The following RBFOX1 variants were observed in gnomAD, a reference collection of about 807,000 sequenced individuals.
RBFOX1 encodes RNA binding fox-1 homolog 1.
Under a neutral mutation model 57.7 loss-of-function variants are expected in RBFOX1, and 8 were observed. The ratio of observed to expected loss-of-function variants is 0.14; its 90% CI spans 0.08 to 0.25. The LOEUF is 0.25. Among genes scored for constraint, RBFOX1 ranks in the 10% least tolerant of loss-of-function variants. The pLI, the probability that RBFOX1 is intolerant of heterozygous loss-of-function variation, is 1.00. For missense variants in RBFOX1, 611 were observed against 548.5 expected (o/e 1.11, Z -1.14); for synonymous variants, 326 against 222.4 (o/e 1.47, Z -4.15).
intron 4 of RBFOX1, among the ~76,000 whole-genome samples, chr16:7,431,588 C>G (rs936394051): frequency 6.6e-6 from 1 of 152,172 alleles, no homozygotes; most frequent in Non-Finnish European, 1.5e-5. Context: ...GTAAAATACA[C>G]GTAACATAAA....
intron 4 of RBFOX1, among the ~76,000 whole-genome samples, chr16:7,123,818 T>C (rs1335735342): frequency 2.0e-5 from 3 of 152,162 alleles, no homozygotes; most frequent in African/African-American, 7.2e-5. Context: ...GAATTTGCAA[T>C]ATAAGAAGAA....
At chr16:5,990,394 G>T (rs1011886018) in intron 4 of RBFOX1, among the ~76,000 whole-genome samples, 1 of 152,198 alleles carries the variant, frequency 6.6e-6, no homozygotes, top group African/African-American at 2.4e-5. Context: ...CTGAGCACTG[G>T]ACAAAGCATT....
intron 3 of RBFOX1, among the ~76,000 whole-genome samples, chr16:6,918,099 C>A (rs999293421): frequency 5.3e-5 from 8 of 152,044 alleles, no homozygotes; most frequent in African/African-American, 1.7e-4. Flanking sequence ...CCAGCCTGGA[C>A]AACATGGTGA....
intron 4 of RBFOX1, among the ~76,000 whole-genome samples, chr16:7,165,665 G>A (rs779815721): frequency 1.3e-5 from 2 of 151,826 alleles, no homozygotes; most frequent in Non-Finnish European, 2.9e-5. Context: ...CCGATCTCAG[G>A]TGATCTGCCT....
chr16:7,049,467 A>T (rs2049195019), intron 3 of RBFOX1, among the ~76,000 whole-genome samples: 1 of 135,362 alleles, frequency 7.4e-6, no homozygotes, highest in African/African-American at 2.5e-5. Context: ...AACAGTAATA[A>T]AAAAAAAAGA....
At chr16:7,188,971 T>C (rs2084627143) in intron 4 of RBFOX1, among the ~76,000 whole-genome samples, 1 of 152,078 alleles carries the variant, frequency 6.6e-6, no homozygotes, top group African/African-American at 2.4e-5. Flanking sequence ...GATAAACCAC[T>C]CAAGGAAGGG....
chr16:5,719,987 A>G (rs1264773391), intron 3 of RBFOX1, among the ~76,000 whole-genome samples: 1 of 151,788 alleles, frequency 6.6e-6, no homozygotes, highest in Non-Finnish European at 1.5e-5. Flanking sequence ...AGGAACCACC[A>G]ATCTGTTTCC....
At chr16:5,412,088 G>A (rs992979207) in intron 1 of RBFOX1, among the ~76,000 whole-genome samples, 2 of 152,088 alleles carry the variant, frequency 1.3e-5, no homozygotes, top group Non-Finnish European at 2.9e-5. Flanking sequence ...GAAGGAGGTA[G>A]CCTGGATAAT....
At chr16:6,502,162 A>T (rs1168884355) in intron 2 of RBFOX1, among the ~76,000 whole-genome samples, 2 of 152,104 alleles carry the variant, frequency 1.3e-5, no homozygotes, top group African/African-American at 4.8e-5. Context: ...TTTAGCTAGT[A>T]GGAGGATGTA....
intron 4 of RBFOX1, among the ~76,000 whole-genome samples, chr16:7,321,865 C>T (rs1231866181): frequency 6.6e-6 from 1 of 152,180 alleles, no homozygotes; most frequent in African/African-American, 2.4e-5. Flanking sequence ...CTCTCTGTTG[C>T]CACCAGCTGC....
intron 3 of RBFOX1, among the ~76,000 whole-genome samples, chr16:6,988,203 C>G (rs899521928): frequency 6.6e-6 from 1 of 152,190 alleles, no homozygotes; most frequent in Non-Finnish European, 1.5e-5. Context: ...AAATCTCCCC[C>G]TAAATTTTTG....
chr16:7,617,780 C>G (rs1448294504), intron 10 of RBFOX1, among the ~76,000 whole-genome samples: 1 of 152,124 alleles, frequency 6.6e-6, no homozygotes, highest in African/African-American at 2.4e-5. Flanking sequence ...GGATGCAAAA[C>G]AAACTGTCAA....
chr16:6,595,300 G>C (rs912882709), intron 2 of RBFOX1, among the ~76,000 whole-genome samples: 1 of 152,158 alleles, frequency 6.6e-6, no homozygotes, highest in South Asian at 2.1e-4. Context: ...CATGTAAATT[G>C]AATCATGTAA....
intron 4 of RBFOX1, among the ~76,000 whole-genome samples, chr16:7,440,483 C>A (rs1189348067): frequency 6.6e-6 from 1 of 152,136 alleles, no homozygotes; most frequent in Non-Finnish European, 1.5e-5. Context: ...TATGAAGGCA[C>A]TGAGAGCCCA....
intron 4 of RBFOX1, among the ~76,000 whole-genome samples, chr16:7,380,423 C>A (rs941765373): frequency 6.6e-6 from 1 of 152,208 alleles, no homozygotes; most frequent in African/African-American, 2.4e-5. Flanking sequence ...GTCTATGACT[C>A]TGTTACCACT....
At chr16:6,483,424 C>A in intron 2 of RBFOX1, 1 of 1,535,362 alleles carries the variant, frequency 6.5e-7, no homozygotes, top group South Asian at 1.2e-5. Context: ...CACGTGGGTG[C>A]CGTTTGCTGT....
chr16:6,835,801 C>G (rs2093053847), intron 3 of RBFOX1, among the ~76,000 whole-genome samples: 1 of 141,050 alleles, frequency 7.1e-6, no homozygotes. Flanking sequence ...ATGTGTAGCT[C>G]TAAATCGGTG....
At chr16:6,866,935 A>T (rs1205251260) in intron 3 of RBFOX1, among the ~76,000 whole-genome samples, 3 of 150,822 alleles carry the variant, frequency 2.0e-5, no homozygotes, top group Non-Finnish European at 4.4e-5. Context: ...ATGGGTCCTT[A>T]GCTTCATGAC....
Position 6,241,387 on chromosome 16 carries a change from C to T in RBFOX1, c.-126-75608C>T, listed in dbSNP as rs377390410. Among the ~76,000 whole-genome samples, 12 of 152,206 alleles carry T rather than the reference C, an allele frequency of 7.9e-5. No individual in the cohort carries two copies. In the East Asian group the frequency reaches 1.7e-3, roughly 22 times the overall value. Reference sequence around the variant, plus strand: ...GTTGTGAGCATTGAACATCGCATTACGAACGTGCTCATGGTACTTAATAAA... The same window carrying T: ...GTTGTGAGCATTGAACATCGCATTATGAACGTGCTCATGGTACTTAATAAA... On this transcript the variant is annotated intron_variant, in intron 1 of 15. Coordinates refer to ENST00000550418, the MANE Select transcript of RBFOX1 (RefSeq NM_018723.4).
Sources: allele counts gnomAD v4.1 joint callset (sites outside exome capture counted in the v4.1 genomes callset), GRCh38; gene constraint gnomAD v4.1.1; transcripts MANE v1.5; gene names NCBI Gene and HGNC (gene_info 2026-07-23, HGNC 2026-07-21).